HORMAD2: variants seen among roughly 807,000 people sequenced by gnomAD.
HORMAD2 encodes the protein HORMA domain-containing protein 2.
HORMAD2 carries 45 observed loss-of-function variants against 38.8 expected under a neutral mutation model. That is an observed-to-expected ratio of 1.16 (90% CI 0.91 to 1.49). HORMAD2 has a LOEUF of 1.49. Among genes scored for constraint, HORMAD2 ranks in the 40% most tolerant of loss-of-function variants. HORMAD2 has a pLI of 0.00. For synonymous variants in HORMAD2, 126 were observed against 122.8 expected (o/e 1.03, Z -0.17); for missense variants, 338 against 367.0 (o/e 0.92, Z 0.65).
chr22:30,139,232 T>TTA (rs1161752968), intron 10 of HORMAD2, among the ~76,000 whole-genome samples: 37 of 110,930 alleles, frequency 3.3e-4, no homozygotes, highest in African/African-American at 8.6e-4. Flanking sequence ...ATAAATGTGT[T>TTA]TATATATATA....
At chr22:30,143,814 C>A (rs1924239943) in intron 10 of HORMAD2, among the ~76,000 whole-genome samples, 1 of 151,998 alleles carries the variant, frequency 6.6e-6, no homozygotes, top group African/African-American at 2.4e-5. Flanking sequence ...GGTGCAGATC[C>A]CTCATGGCTT....
the HORMAD2 span, among the ~76,000 whole-genome samples, chr22:30,204,466 A>T: frequency 6.6e-6 from 1 of 152,242 alleles, no homozygotes. Flanking sequence ...GAGCTCTTTC[A>T]GGCGGCTGCC....
Position 30,122,233 on chromosome 22 carries a change from G to C in HORMAD2, c.819+19G>C, listed in dbSNP as rs1413041176. The C allele has an allele frequency of 6.3e-7, 1 of 1,592,846 alleles. No homozygotes were observed. The highest frequency in any genetic ancestry group is 8.6e-7 in the Non-Finnish European group (1 of 1,167,986). ...TGACCATGTAAGGCAAAGCTTTAGA[G>C]ATTTTCTATCGTGTCAGTTAAACAC... On this transcript the variant is annotated intron_variant, in intron 10 of 10. Coordinates refer to ENST00000336726, the MANE Select transcript of HORMAD2 (RefSeq NM_152510.4).
chr22:30,094,195 A>T (rs370823783), intron 2 of HORMAD2, among the ~76,000 whole-genome samples, 192 bp downstream of exon 2: 1 of 152,250 alleles, frequency 6.6e-6, no homozygotes, highest in South Asian at 2.1e-4. Context: ...ATAAATTTCT[A>T]CAAAGTTACT....
chr22:30,079,618 A>G (rs1218642184), upstream of HORMAD2, among the ~76,000 whole-genome samples: 1 of 147,532 alleles, frequency 6.8e-6, no homozygotes, highest in Non-Finnish European at 1.5e-5. Flanking sequence ...CGATCCTCCT[A>G]CCTCAGCCTC....
At position 30,176,119 on chromosome 22, in the gene HORMAD2, G is replaced by A. The variant is rs745716805; in HGVS notation, c.876G>A (p.Lys292=). 111 of 1,613,222 alleles carry A rather than the reference G, an allele frequency of 6.9e-5. No individual in the cohort carries two copies. Among genetic ancestry groups the A allele is most frequent in the Non-Finnish European group, 2.9e-5 (34 of 1,179,454 alleles). ...SQQSSECSRK[K]RKVSEPVKVF... is the part of the protein sequence containing the mutation. ...AAAGTTCTGAGTGCTCCAGGAAGAA[G>A]AGGAAGGTCAGTGAACCAGTGAAGG... The change falls in exon 11 of 11, where the codon AAG becomes AAA. Residue 292 remains lysine (K), a synonymous_variant. Coordinates refer to ENST00000336726, the MANE Select transcript of HORMAD2 (RefSeq NM_152510.4).
intron 10 of HORMAD2, among the ~76,000 whole-genome samples, chr22:30,130,111 C>T (rs985814066): frequency 3.3e-5 from 5 of 152,140 alleles, no homozygotes; most frequent in Admixed American, 2.0e-4. Flanking sequence ...GCTTACACTG[C>T]TTTTCTACCA....
In HORMAD2 at chr22:30,090,293, C is replaced by T. The variant is rs573094481; in HGVS notation, c.-37-3623C>T. 3.9e-5 allele frequency among the ~76,000 whole-genome samples: 6 copies of T among 151,956 alleles called. No homozygotes were observed. The East Asian group carries it at 5.8e-4, about 15-fold the overall frequency. On this transcript the variant is annotated intron_variant, in intron 1 of 10. Coordinates refer to ENST00000336726, the MANE Select transcript of HORMAD2 (RefSeq NM_152510.4). ...TGGGAGAATCATTTAAGCCTGGGAGCGGGAGGTTGCAGTGAGCCGAGATCA... is the reference window on the plus strand; with the variant it reads ...TGGGAGAATCATTTAAGCCTGGGAGTGGGAGGTTGCAGTGAGCCGAGATCA...
Position 30,176,371 on chromosome 22 carries a change from AG to A in HORMAD2, c.*207del. ...TTTGCCATAAGGAAAGCGGGTCAAT[AG>A]GGCTGCCTCTGGATAGCATTACTTC... On this transcript the variant is annotated 3_prime_UTR_variant, in exon 11 of 11. Transcript: ENST00000336726. 1 of 521,930 alleles carries A rather than the reference AG, an allele frequency of 1.9e-6. No homozygotes were observed. Among genetic ancestry groups the A allele is most frequent in the Non-Finnish European group, 3.4e-6 (1 of 292,336 alleles). The allele number at this position is 521,930 out of a possible 1,614,324, so 32.3% of individuals were successfully genotyped here.
intron 7 of HORMAD2, among the ~76,000 whole-genome samples, chr22:30,114,892 C>T (rs1388426732): frequency 6.6e-6 from 1 of 152,142 alleles, no homozygotes; most frequent in Non-Finnish European, 1.5e-5. Flanking sequence ...TCTAAGTAAA[C>T]TAAGTACTAA....
the HORMAD2 span, among the ~76,000 whole-genome samples, chr22:30,197,061 C>A: frequency 6.6e-6 from 1 of 152,174 alleles, no homozygotes; most frequent in African/African-American, 2.4e-5. Context: ...CAGCAGCAGC[C>A]TCCCAGTTTC....
chr22:30,102,279 C>T (rs1384586551), intron 3 of HORMAD2, among the ~76,000 whole-genome samples: 1 of 152,104 alleles, frequency 6.6e-6, no homozygotes, highest in African/African-American at 2.4e-5. Flanking sequence ...TTGAGAAAGA[C>T]ATATTTTTGA....
the HORMAD2 span, chr22:30,192,349 G>C: frequency 6.6e-6 from 1 of 152,454 alleles, no homozygotes; most frequent in African/African-American, 2.4e-5. Context: ...GCTGGATCTT[G>C]AGGGGAGGTC....
Position 30,104,211 on chromosome 22 carries a change from A to C in HORMAD2, c.258-190A>C, listed in dbSNP as rs941624667. Among the ~76,000 whole-genome samples, 5 of 152,182 alleles carry C rather than the reference A, an allele frequency of 3.3e-5. No homozygotes were observed. In the East Asian group the frequency reaches 5.8e-4, roughly 18 times the overall value. On this transcript the variant is annotated intron_variant, in intron 4 of 10. Coordinates refer to ENST00000336726, the MANE Select transcript of HORMAD2 (RefSeq NM_152510.4). ...TTGGTTCACTACCACAAAATAGCTC[A>C]CTATTACTTATAAAGGTCTATCATC...
Position 30,122,167 on chromosome 22 carries a change from G to A in HORMAD2, c.772G>A (p.Ala258Thr), listed in dbSNP as rs368563029. 8.9e-5 allele frequency: 143 copies of A among 1,613,120 alleles called. No homozygotes were observed. The highest frequency in any genetic ancestry group is 1.1e-4 in the Non-Finnish European group (127 of 1,179,472). ...LFRENSTTEI[A>T]HQGLDCDEEE... is the part of the protein sequence containing the mutation. ...TCGGGAGAACAGCACTACTGAGATC[G>A]CCCATCAGGGTCTAGACTGTGATGA... The change falls in exon 10 of 11, where the codon GCC becomes ACC. Residue 258 changes from alanine (A) to threonine (T), a missense_variant. Transcript: ENST00000336726.
At chr22:30,128,234 T>C (rs535748278) in intron 10 of HORMAD2, among the ~76,000 whole-genome samples, 4 of 152,300 alleles carry the variant, frequency 2.6e-5, no homozygotes. Flanking sequence ...TTAAAGTAAT[T>C]TAAAAACCAA....
intron 10 of HORMAD2, among the ~76,000 whole-genome samples, 175 bp downstream of exon 10, chr22:30,122,389 T>G (rs1922523885): frequency 6.6e-6 from 1 of 152,200 alleles, no homozygotes; most frequent in African/African-American, 2.4e-5. Context: ...AAAGGAAATA[T>G]ACTTTATCAG....
the HORMAD2 span, among the ~76,000 whole-genome samples, chr22:30,196,870 C>T: frequency 6.6e-6 from 1 of 152,164 alleles, no homozygotes; most frequent in Admixed American, 6.5e-5. Flanking sequence ...CATCAGGGGA[C>T]TTTTACTCAG....
intron 10 of HORMAD2, among the ~76,000 whole-genome samples, chr22:30,173,089 G>A (rs530950564): frequency 9.2e-5 from 14 of 152,308 alleles, no homozygotes; most frequent in Non-Finnish European, 1.6e-4. Context: ...GGAGCAAAGC[G>A]TGGGAGTGGG....
Sources: allele counts gnomAD v4.1 joint callset (sites outside exome capture counted in the v4.1 genomes callset), GRCh38; gene constraint gnomAD v4.1.1; transcripts MANE v1.5; gene names NCBI Gene and HGNC (gene_info 2026-07-23, HGNC 2026-07-21).